Variants in AMBRA1 observed in about 807,000 individuals in gnomAD.
AMBRA1 encodes autophagy and beclin 1 regulator 1.
Under a neutral mutation model 125.4 loss-of-function variants are expected in AMBRA1, and 47 were observed. The ratio of observed to expected loss-of-function variants is 0.37; its 90% CI spans 0.30 to 0.48. The LOEUF is 0.48. Ranked by LOEUF, AMBRA1 falls within the 20% of genes least tolerant of loss-of-function variation. The probability of loss-of-function intolerance (pLI) is 0.99; values close to 1 mark genes in which losing one functional copy is unlikely to be tolerated. For missense variants in AMBRA1, 1,331 were observed against 1,693.4 expected (o/e 0.79, Z 3.76); for synonymous variants, 626 against 655.5 (o/e 0.95, Z 0.69).
chr11:46,578,817 C>T (rs2044060146), intron 1 of AMBRA1, among the ~76,000 whole-genome samples: 1 of 127,532 alleles, frequency 7.8e-6, no homozygotes, highest in Non-Finnish European at 1.6e-5. Flanking sequence ...GGAGGTGGAG[C>T]TTGCAGTGAG....
chr11:46,571,972 G>A (rs949357711), intron 1 of AMBRA1, among the ~76,000 whole-genome samples: 3 of 152,086 alleles, frequency 2.0e-5, no homozygotes, highest in Non-Finnish European at 4.4e-5. Flanking sequence ...ACAGGCTTAA[G>A]CCACTGCGCC....
At chr11:46,572,921 C>A (rs192542913) in intron 1 of AMBRA1, among the ~76,000 whole-genome samples, 2 of 151,716 alleles carry the variant, frequency 1.3e-5, no homozygotes, top group Admixed American at 1.3e-4. Flanking sequence ...GAAACTCCGT[C>A]TCTACTAAAA....
intron 1 of AMBRA1, among the ~76,000 whole-genome samples, chr11:46,592,057 T>A (rs1233754864): frequency 6.7e-6 from 1 of 148,816 alleles, no homozygotes; most frequent in Non-Finnish European, 1.5e-5. Context: ...GTGATTCTCC[T>A]GCCTCAGCCT....
chr11:46,464,222 T>G (rs1205797475), intron 11 of AMBRA1, among the ~76,000 whole-genome samples: 1 of 152,180 alleles, frequency 6.6e-6, no homozygotes, highest in Non-Finnish European at 1.5e-5. Flanking sequence ...TTCCATGTAT[T>G]TAAAATGTCA....
chr11:46,468,475 C>T (rs969249916), intron 11 of AMBRA1, among the ~76,000 whole-genome samples: 16 of 151,986 alleles, frequency 1.1e-4, no homozygotes, highest in Non-Finnish European at 2.4e-4. Flanking sequence ...ACCTCAGCCT[C>T]CTAGTAGCAC....
At chr11:46,565,014 T>C (rs1565302818) in intron 1 of AMBRA1, among the ~76,000 whole-genome samples, 1 of 152,120 alleles carries the variant, frequency 6.6e-6, no homozygotes, top group African/African-American at 2.4e-5. Flanking sequence ...CCCACCACTT[T>C]AGGAGGCCAA....
intron 11 of AMBRA1, among the ~76,000 whole-genome samples, chr11:46,482,574 G>C (rs1319281338): frequency 6.6e-6 from 1 of 152,192 alleles, no homozygotes; most frequent in African/African-American, 2.4e-5. Flanking sequence ...ACAGGAACAA[G>C]GAGAAACCCT....
chr11:46,401,384 G>A (rs1945753576), intron 17 of AMBRA1, among the ~76,000 whole-genome samples: 1 of 152,206 alleles, frequency 6.6e-6, no homozygotes, highest in Non-Finnish European at 1.5e-5. Context: ...GGGACTACAG[G>A]CATGTGCCAC....
chr11:46,538,665 T>C (rs1952600361), intron 7 of AMBRA1, among the ~76,000 whole-genome samples: 2 of 152,032 alleles, frequency 1.3e-5, no homozygotes, highest in Admixed American at 6.6e-5. Context: ...TGGCTAATTT[T>C]TTTTGTATTT....
chr11:46,586,377 A>G (rs1277522945), intron 1 of AMBRA1, among the ~76,000 whole-genome samples: 2 of 152,206 alleles, frequency 1.3e-5, no homozygotes, highest in African/African-American at 4.8e-5. Flanking sequence ...CCACCGCACC[A>G]GAGCAAGACT....
chr11:46,433,327 G>T, intron 14 of AMBRA1, 147 bp downstream of exon 14: 1 of 965,508 alleles, frequency 1.0e-6, no homozygotes, highest in Non-Finnish European at 1.4e-6. Context: ...TGCTGGTCAT[G>T]GATGGGCTTG....
intron 7 of AMBRA1, among the ~76,000 whole-genome samples, chr11:46,534,892 G>A (rs940467376): frequency 6.6e-6 from 1 of 152,048 alleles, no homozygotes; most frequent in African/African-American, 2.4e-5. Flanking sequence ...CAGGCTGGTC[G>A]CAAATTCCTG....
chr11:46,408,347 A>G (rs572356738), intron 17 of AMBRA1, among the ~76,000 whole-genome samples, 166 bp downstream of exon 17: 8 of 152,302 alleles, frequency 5.3e-5, no homozygotes, highest in Admixed American at 3.3e-4. Flanking sequence ...GCGAGCTGCA[A>G]GAGTGACCCA....
intron 1 of AMBRA1, among the ~76,000 whole-genome samples, chr11:46,560,204 A>C (rs1451444850): frequency 6.6e-6 from 1 of 152,220 alleles, no homozygotes; most frequent in East Asian, 1.9e-4. Context: ...AACTGTCAAC[A>C]GACAGAACCT....
chr11:46,430,937 C>T (rs1354652618), intron 14 of AMBRA1, among the ~76,000 whole-genome samples: 3 of 152,184 alleles, frequency 2.0e-5, no homozygotes, highest in Non-Finnish European at 2.9e-5. Context: ...ACCCTTGCTC[C>T]CTGTTCTCAG....
chr11:46,508,379 G>A lies in AMBRA1; in HGVS notation c.2160-9C>T, dbSNP rs1951138563. On this transcript the variant is annotated splice_polypyrimidine_tract_variant and intron_variant, in intron 8 of 17. Coordinates refer to ENST00000683756, the MANE Select transcript of AMBRA1 (RefSeq NM_001387011.1). ...ATGCAGCAGGAGATAATCTGAGAGA[G>A]ACAGAGATGGACAAACACAAACTAG... is the stretch of plus-strand genomic sequence containing the variant. The A allele has an allele frequency of 6.2e-7, 1 of 1,611,732 alleles. No homozygotes were observed. The highest frequency in any genetic ancestry group is 2.2e-5 in the East Asian group (1 of 44,824).
chr11:46,534,604 C>T (rs1015012409), intron 7 of AMBRA1, among the ~76,000 whole-genome samples: 1 of 152,120 alleles, frequency 6.6e-6, no homozygotes, highest in African/African-American at 2.4e-5. Flanking sequence ...GTTTACAAGC[C>T]CAACTCTCAG....
At chr11:46,417,629 T>C (rs1946604835) in intron 15 of AMBRA1, among the ~76,000 whole-genome samples, 1 of 152,184 alleles carries the variant, frequency 6.6e-6, no homozygotes, top group South Asian at 2.1e-4. Context: ...GAAACTTTAG[T>C]ATCACTAGGA....
Position 46,591,871 on chromosome 11 carries a change from C to A in AMBRA1, c.-121+1957G>T, listed in dbSNP as rs547294225. Among the ~76,000 whole-genome samples, 21 of 150,268 alleles carry A rather than the reference C, an allele frequency of 1.4e-4. No individual in the cohort carries two copies. The East Asian group carries it at 2.0e-3, about 14-fold the overall frequency. ...GACTCCGTCTCAAAAAACACACACA[C>A]AAAAAAACGCTCTCTTACTGATTCT... On this transcript the variant is annotated intron_variant, in intron 1 of 17. Coordinates refer to ENST00000683756, the MANE Select transcript of AMBRA1 (RefSeq NM_001387011.1).
Sources: gnomAD v4.1 joint callset for allele counts (sites outside exome capture counted in the v4.1 genomes callset) on GRCh38, gnomAD v4.1.1 for gene constraint, MANE v1.5 for transcripts, NCBI Gene and HGNC (gene_info 2026-07-23, HGNC 2026-07-21) for gene names.